The following FAM78B variants were observed in gnomAD, a reference collection of about 807,000 sequenced individuals.
FAM78B encodes the protein protein FAM78B.
A neutral mutation model predicts 20.0 loss-of-function variants in FAM78B; 10 were observed. The observed-to-expected ratio is 0.50, with a 90% CI of 0.31 to 0.85. FAM78B has a LOEUF of 0.85. Among genes scored for constraint, FAM78B ranks in the 40% least tolerant of loss-of-function variants. FAM78B has a pLI of 0.05. For missense variants in FAM78B, 283 were observed against 345.0 expected (o/e 0.82, Z 1.42); for synonymous variants, 135 against 132.8 (o/e 1.02, Z -0.12).
chr1:166,118,522 A>T (rs1461457824), intron 1 of FAM78B, among the ~76,000 whole-genome samples: 1 of 152,160 alleles, frequency 6.6e-6, no homozygotes. Context: ...GCACTTGACA[A>T]ACTATGGCCT....
chr1:166,067,124 T>C (rs988697624), downstream of FAM78B, among the ~76,000 whole-genome samples: 1 of 152,074 alleles, frequency 6.6e-6, no homozygotes, highest in Non-Finnish European at 1.5e-5. Context: ...GTGAATGGAT[T>C]AGGGATGATG....
In FAM78B at chr1:166,109,890, G is replaced by GTATGTATA. The variant is rs1433152486; in HGVS notation, c.264-39128_264-39127insTATACATA. Among the ~76,000 whole-genome samples, 41 of 23,176 alleles carry GTATGTATA rather than the reference G, an allele frequency of 1.8e-3. 3 individuals are homozygous for GTATGTATA. The highest frequency in any genetic ancestry group is 3.3e-3 in the Non-Finnish European group (29 of 8,772). The allele number at this position is 23,176 out of a possible 152,430, so 15.2% of individuals were successfully genotyped here. ...TGTGTATATATATATATGTATATATGTATATATATATATATATATATATAT... is the reference window on the plus strand; with the variant it reads ...TGTGTATATATATATATGTATATATGTATGTATATATATATATATATATATATATATAT... On this transcript the variant is annotated intron_variant, in intron 1 of 1. Coordinates refer to ENST00000354422, the MANE Select transcript of FAM78B (RefSeq NM_001017961.5).
At chr1:166,083,791 G>A (rs1436940752) in intron 1 of FAM78B, among the ~76,000 whole-genome samples, 1 of 122,796 alleles carries the variant, frequency 8.1e-6, no homozygotes, top group Non-Finnish European at 1.6e-5. Flanking sequence ...CGTGAGCCAC[G>A]CACCCAGCTT....
At position 166,117,937 on chromosome 1, in the gene FAM78B, C is replaced by T. The variant is rs75549848; in HGVS notation, c.264-47174G>A. On this transcript the variant is annotated intron_variant, in intron 1 of 1. Coordinates refer to ENST00000354422, the MANE Select transcript of FAM78B (RefSeq NM_001017961.5). ...AAATCTGGGCAAGGGTGAGCAAACC[C>T]GACATGACGCAATTGGGAGGGGCGG... 2.0e-3 allele frequency among the ~76,000 whole-genome samples: 303 copies of T among 152,132 alleles called. 3 individuals carry two copies. Among genetic ancestry groups the T allele is most frequent in the Non-Finnish European group, 3.7e-3 (252 of 68,010 alleles).
At chr1:166,106,627 CA>C (rs1185863478) in intron 1 of FAM78B, among the ~76,000 whole-genome samples, 1 of 151,990 alleles carries the variant, frequency 6.6e-6, no homozygotes, top group Admixed American at 6.6e-5. Flanking sequence ...AACAGAAAAC[CA>C]AATACTGCAT....
intron 1 of FAM78B, among the ~76,000 whole-genome samples, chr1:166,121,786 G>A (rs1050315229): frequency 6.6e-6 from 1 of 152,172 alleles, no homozygotes; most frequent in Non-Finnish European, 1.5e-5. Flanking sequence ...CAGAGAGCAG[G>A]TAAGCAACTT....
chr1:166,152,654 G>GGATTGATT (rs200685630), intron 1 of FAM78B, among the ~76,000 whole-genome samples: 1,687 of 140,074 alleles, frequency 0.012, 35 homozygotes, highest in African/African-American at 0.047. Flanking sequence ...TTGGTACTCT[G>GGATTGATT]GATTTATTTA....
chr1:166,064,757 T>C (rs1194864619), downstream of FAM78B, among the ~76,000 whole-genome samples: 3 of 152,218 alleles, frequency 2.0e-5, no homozygotes, highest in East Asian at 5.8e-4. Flanking sequence ...CAAGTCACAA[T>C]ATCTTACATG....
intron 1 of FAM78B, chr1:166,165,118 C>T (rs1337742435): frequency 6.6e-6 from 1 of 152,252 alleles, no homozygotes. Context: ...GCGCACCAAC[C>T]GGCGCTGCTG....
intron 1 of FAM78B, among the ~76,000 whole-genome samples, chr1:166,112,365 CCT>C (rs1336597164): frequency 6.6e-6 from 1 of 152,084 alleles, no homozygotes; most frequent in African/African-American, 2.4e-5. Context: ...CTCAATTCAC[CCT>C]GTTTATTAAA....
chr1:166,061,260 T>C (rs2101941399), intron 2 of FAM78B, among the ~76,000 whole-genome samples: 1 of 152,292 alleles, frequency 6.6e-6, no homozygotes, highest in Admixed American at 6.5e-5. Flanking sequence ...GTTTTAAAAT[T>C]AGAAAAAAGC....
intron 1 of FAM78B, among the ~76,000 whole-genome samples, chr1:166,121,393 C>A (rs1654461167): frequency 6.6e-6 from 1 of 152,176 alleles, no homozygotes; most frequent in Non-Finnish European, 1.5e-5. Flanking sequence ...GAAGCAGACC[C>A]AGGGAAAGTG....
At chr1:166,131,183 G>A (rs762253100) in intron 1 of FAM78B, among the ~76,000 whole-genome samples, 5 of 151,978 alleles carry the variant, frequency 3.3e-5, no homozygotes, top group Middle Eastern at 3.4e-3. Flanking sequence ...GTAGAGATGG[G>A]GTTTCGCCAT....
At chr1:166,141,141 T>C (rs1655260921) in intron 1 of FAM78B, among the ~76,000 whole-genome samples, 4 of 152,208 alleles carry the variant, frequency 2.6e-5, no homozygotes, top group Admixed American at 2.0e-4. Flanking sequence ...CCTGCCGTAG[T>C]CCAGGAAATA....
At chr1:166,125,630 T>C (rs1343238373) in intron 1 of FAM78B, among the ~76,000 whole-genome samples, 1 of 152,176 alleles carries the variant, frequency 6.6e-6, no homozygotes, top group Non-Finnish European at 1.5e-5. Flanking sequence ...CCAATTCAAA[T>C]ACCAAATACC....
At chr1:166,105,279 C>G (rs1321043620) in intron 1 of FAM78B, among the ~76,000 whole-genome samples, 2 of 152,214 alleles carry the variant, frequency 1.3e-5, no homozygotes, top group East Asian at 3.9e-4. Flanking sequence ...CAATACCAGT[C>G]AGCACATAGG....
At chr1:166,133,848 C>T (rs1654972742) in intron 1 of FAM78B, among the ~76,000 whole-genome samples, 1 of 152,194 alleles carries the variant, frequency 6.6e-6, no homozygotes, top group South Asian at 2.1e-4. Context: ...TCTCCTTTCT[C>T]TAAACATTAT....
At chr1:166,058,707 T>C (rs1298668661) in exon 3 of FAM78B, 1 of 152,596 alleles carries the variant, frequency 6.6e-6, no homozygotes, top group African/African-American at 2.4e-5. Context: ...AAGCCTGGCA[T>C]CTCTATAGAT....
chr1:166,111,490 T>C (rs756857056), intron 1 of FAM78B, among the ~76,000 whole-genome samples: 15 of 152,244 alleles, frequency 9.9e-5, no homozygotes, highest in South Asian at 2.1e-4. Context: ...CAGTAACACA[T>C]TGACTGTGAT....
Sources: allele counts gnomAD v4.1 joint callset (sites outside exome capture counted in the v4.1 genomes callset), GRCh38; gene constraint gnomAD v4.1.1; transcripts MANE v1.5; gene names NCBI Gene and HGNC (gene_info 2026-07-23, HGNC 2026-07-21).